Variants in NBPF20 observed in about 807,000 individuals in gnomAD.
NBPF20 encodes NBPF member 20, also known as NBPF family member NBPF20.
In NBPF20, 90 loss-of-function variants were observed where a neutral mutation model predicts 68.1. The ratio of observed to expected loss-of-function variants is 1.32; its 90% CI spans 1.11 to 1.58. The LOEUF (loss-of-function observed/expected upper bound fraction) is 1.58. Among genes scored for constraint, NBPF20 ranks in the 40% most tolerant of loss-of-function variants. NBPF20 has a pLI of 0.00. For missense variants in NBPF20, 816 were observed against 601.2 expected, an observed-to-expected ratio of 1.36 and a Z score of -3.74; for synonymous variants, 290 against 228.1, an observed-to-expected ratio of 1.27 and a Z score of -2.45.
intron 3 of NBPF20, among the ~76,000 whole-genome samples, chr1:145,403,004 AAG>A (rs1285404540): frequency 6.6e-6 from 1 of 151,794 alleles, no homozygotes; most frequent in Non-Finnish European, 1.5e-5. Flanking sequence ...TTGTTTGAAA[AAG>A]AGAAAACAAG....
chr1:145,408,799 C>T (rs373909551), upstream of NBPF20, among the ~76,000 whole-genome samples: 19 of 151,940 alleles, frequency 1.3e-4, no homozygotes, highest in East Asian at 7.7e-4. Context: ...TGCTTCATTG[C>T]ATGTATTGTT....
At chr1:145,403,143 C>T (rs1553665872) in intron 3 of NBPF20, 73 bp downstream of exon 8, 3 of 1,575,236 alleles carry the variant, frequency 1.9e-6, no homozygotes, top group South Asian at 2.2e-5. Flanking sequence ...GCTCTTACGT[C>T]TCCCCACCGA....
chr1:145,395,049 G>A (rs1223043054), exon 8 of NBPF20: 123 of 1,611,276 alleles, frequency 7.6e-5, no homozygotes, highest in Non-Finnish European at 9.4e-5. Context: ...AGACTGGTAC[G>A]AGGCCAACAT....
At chr1:145,411,179 C>A in the NBPF20 span, among the ~76,000 whole-genome samples, 1 of 144,950 alleles carries the variant, frequency 6.9e-6, no homozygotes, top group Non-Finnish European at 1.5e-5. Context: ...TAAATTTCTA[C>A]CAAAATGCCG....
chr1:145,407,433 ACATGTATACATG>A (rs1662843725), upstream of NBPF20, among the ~76,000 whole-genome samples: 2 of 145,248 alleles, frequency 1.4e-5, no homozygotes, highest in African/African-American at 5.0e-5. Flanking sequence ...ATACACGTAT[ACATGTATACATG>A]TATATACGTG....
At chr1:145,312,301 C>T in exon 112 of NBPF20, 1 of 115,720 alleles carries the variant, frequency 8.6e-6, no homozygotes, top group East Asian at 2.0e-4. Flanking sequence ...TCAAGACAAC[C>T]TGAAGGAGTT....
At chr1:145,425,546 C>A in the NBPF20 span, among the ~76,000 whole-genome samples, 2 of 152,240 alleles carry the variant, frequency 1.3e-5, no homozygotes, top group African/African-American at 4.8e-5. Flanking sequence ...CTGTCTCAAC[C>A]GCCGCCCAGC....
rs1308144930 is a variant in NBPF20 at position 145,402,290 on chromosome 1, T to C, written c.370A>G (p.Asn124Asp). 4.0e-5 allele frequency: 64 copies of C among 1,610,560 alleles called. 1 individual carries two copies. The highest frequency in any genetic ancestry group is 4.0e-4 in the South Asian group (36 of 90,994). ...GTAAGGAGGGCCTGGAGATGCTCAT[T>C]CAATGAGCGGGAGGCATCTCTCCCT... The change falls in exon 4 of 138, where the codon AAT becomes GAT. Residue 124 changes from asparagine (N) to aspartate (D), a missense_variant. Asn to Asp is a conservative substitution (Grantham distance 23). Coordinates refer to ENST00000369373, the Ensembl canonical transcript of NBPF20.
At chr1:145,291,906 T>A in intron 137 of NBPF20, 137 bp from the exon 143 acceptor site, 1 of 1,550,168 alleles carries the variant, frequency 6.5e-7, no homozygotes, top group South Asian at 1.2e-5. Context: ...AAAAAAAAAT[T>A]TATTGCCTAT....
chr1:145,419,831 T>C, the NBPF20 span, among the ~76,000 whole-genome samples: 1 of 152,160 alleles, frequency 6.6e-6, no homozygotes, highest in African/African-American at 2.4e-5. Context: ...ACCCCATGAA[T>C]GCTCAGTGAA....
exon 138 of NBPF20, chr1:145,291,661 C>G: frequency 1.2e-6 from 2 of 1,611,916 alleles, no homozygotes; most frequent in Non-Finnish European, 1.7e-6. Flanking sequence ...TTCTGTAGTG[C>G]TGGAATGAGT....
chr1:145,407,450 T>C (rs587624177), upstream of NBPF20, among the ~76,000 whole-genome samples: 9 of 146,970 alleles, frequency 6.1e-5, no homozygotes, highest in South Asian at 2.1e-4. Flanking sequence ...TACATGTATA[T>C]ACGTGTATAC....
chr1:145,403,738 G>T (rs1662635718), intron 2 of NBPF20, among the ~76,000 whole-genome samples: 2 of 151,808 alleles, frequency 1.3e-5, no homozygotes, highest in Middle Eastern at 3.4e-3. Flanking sequence ...CCCTTTTACT[G>T]GGAATTTCAA....
At chr1:145,408,737 T>A (rs1553668324), upstream of NBPF20, among the ~76,000 whole-genome samples, 1 of 152,044 alleles carries the variant, frequency 6.6e-6, no homozygotes, top group Non-Finnish European at 1.5e-5. Flanking sequence ...ACATGATATA[T>A]ATTTATTTAG....
At position 145,405,015 on chromosome 1, in the gene NBPF20, A is replaced by C. The variant is rs868954422; in HGVS notation, c.175+83T>G. ...CTACAAGTACAAGAAGGATGAAATT[A>C]TTTTTGATGGAGAGAGCATTTAGTG... On this transcript the variant is annotated intron_variant, in intron 2 of 137. Transcript: ENST00000369373. The C allele has an allele frequency of 3.3e-4, 527 of 1,588,760 alleles. 1 individual carries two copies. The African/African-American group carries it at 6.4e-3, about 19-fold the overall frequency.
chr1:145,290,208 T>C (rs1553656954), exon 138 of NBPF20: 1 of 148,374 alleles, frequency 6.7e-6, no homozygotes, highest in African/African-American at 2.6e-5. Context: ...AATGATAAAA[T>C]GTTTAGAGGA....
At chr1:145,395,004 T>C in exon 8 of NBPF20, 1 of 1,611,880 alleles carries the variant, frequency 6.2e-7, no homozygotes, top group South Asian at 1.1e-5. Flanking sequence ...CATGCAGACT[T>C]GCTGTTCCTC....
At chr1:145,404,112 T>C (rs1662655415) in intron 2 of NBPF20, among the ~76,000 whole-genome samples, 1 of 141,142 alleles carries the variant, frequency 7.1e-6, no homozygotes, top group African/African-American at 2.7e-5. Flanking sequence ...TGAGGGTCCC[T>C]GCTTTGCACA....
Position 145,338,022 on chromosome 1 carries a change from C to G in NBPF20, c.9546-213G>C, listed in dbSNP as rs1661586029. 9.5e-5 allele frequency among the ~76,000 whole-genome samples: 9 copies of G among 94,296 alleles called. No homozygotes were observed. The South Asian group carries it at 1.1e-3, about 12-fold the overall frequency. The allele number at this position is 94,296 out of a possible 152,430, so 61.9% of individuals were successfully genotyped here. On this transcript the variant is annotated intron_variant, in intron 79 of 137. Coordinates refer to ENST00000369373, the Ensembl canonical transcript of NBPF20. ...AGACAGATAGACACACACACACACA[C>G]ACACACACACACACACACACACACA...
Sources: allele counts gnomAD v4.1 joint callset (sites outside exome capture counted in the v4.1 genomes callset), GRCh38; gene constraint gnomAD v4.1.1; transcripts MANE v1.5; gene names NCBI Gene and HGNC (gene_info 2026-07-23, HGNC 2026-07-21).